GRIN2A: variants seen among roughly 807,000 people sequenced by gnomAD.
The protein encoded by GRIN2A is glutamate receptor ionotropic, NMDA 2A.
Under a neutral mutation model 113.4 loss-of-function variants are expected in GRIN2A, and 22 were observed. That is an observed-to-expected ratio of 0.19 (90% CI 0.14 to 0.28). The LOEUF (loss-of-function observed/expected upper bound fraction) is 0.28, where lower values mean the gene tolerates loss of function less well. Among genes scored for constraint, GRIN2A ranks in the 10% least tolerant of loss-of-function variants. GRIN2A has a pLI of 1.00. For missense variants in GRIN2A, 1,502 were observed against 1,887.0 expected (o/e 0.80, Z 3.78); for synonymous variants, 827 against 738.4 (o/e 1.12, Z -1.94).
chr16:9,861,423 A>G (rs755585382), intron 4 of GRIN2A, among the ~76,000 whole-genome samples: 13 of 152,244 alleles, frequency 8.5e-5, no homozygotes, highest in Admixed American at 1.3e-4. Flanking sequence ...AACATGGATT[A>G]GCATCACTTC....
intron 2 of GRIN2A, among the ~76,000 whole-genome samples, chr16:10,054,010 G>C (rs1020432653): frequency 6.6e-6 from 1 of 151,946 alleles, no homozygotes; most frequent in South Asian, 2.1e-4. Flanking sequence ...AAATACTTTT[G>C]CACCAATCTA....
At chr16:10,019,941 C>T (rs765866443) in intron 2 of GRIN2A, among the ~76,000 whole-genome samples, 1 of 152,210 alleles carries the variant, frequency 6.6e-6, no homozygotes, top group Non-Finnish European at 1.5e-5. Flanking sequence ...ACCACATACA[C>T]AGACACCCAA....
chr16:10,090,073 G>T (rs1259114290), intron 2 of GRIN2A, among the ~76,000 whole-genome samples: 2 of 151,972 alleles, frequency 1.3e-5, no homozygotes, highest in African/African-American at 4.8e-5. Flanking sequence ...TAGTATTTAG[G>T]ACCTACCAGG....
At chr16:10,040,000 A>C in intron 2 of GRIN2A, among the ~76,000 whole-genome samples, 1 of 125,802 alleles carries the variant, frequency 7.9e-6, no homozygotes, top group African/African-American at 2.9e-5. Context: ...ACAAATACAC[A>C]ACACACACAT....
intron 10 of GRIN2A, among the ~76,000 whole-genome samples, chr16:9,799,388 A>T (rs1200784659): frequency 6.6e-6 from 1 of 152,240 alleles, no homozygotes. Flanking sequence ...GAGGCCTGGA[A>T]CAGATCCCTC....
chr16:10,066,448 C>T (rs553342822), intron 2 of GRIN2A, among the ~76,000 whole-genome samples: 2 of 152,268 alleles, frequency 1.3e-5, no homozygotes, highest in East Asian at 3.9e-4. Flanking sequence ...AAAATGGTAC[C>T]TGAAGACAGA....
intron 4 of GRIN2A, among the ~76,000 whole-genome samples, chr16:9,855,789 C>A (rs957050300): frequency 2.0e-5 from 3 of 152,146 alleles, no homozygotes; most frequent in Non-Finnish European, 4.4e-5. Context: ...AAATGGCAAG[C>A]TATCTCTAAA....
intron 2 of GRIN2A, among the ~76,000 whole-genome samples, chr16:9,962,885 T>C (rs926359646): frequency 1.2e-4 from 18 of 151,988 alleles, no homozygotes; most frequent in African/African-American, 3.6e-4. Flanking sequence ...TGTCCAACAA[T>C]GATAGACTGG....
At chr16:10,058,752 C>T (rs927281146) in intron 2 of GRIN2A, among the ~76,000 whole-genome samples, 6 of 152,172 alleles carry the variant, frequency 3.9e-5, no homozygotes, top group East Asian at 1.9e-4. Context: ...TTCATTTACT[C>T]GCTCATTCAT....
At chr16:10,175,414 T>C (rs969493642) in intron 2 of GRIN2A, among the ~76,000 whole-genome samples, 1 of 152,150 alleles carries the variant, frequency 6.6e-6, no homozygotes, top group South Asian at 2.1e-4. Context: ...AAAAACCATA[T>C]ATACTATAAA....
intron 2 of GRIN2A, among the ~76,000 whole-genome samples, chr16:9,984,625 T>C (rs576977513): frequency 2.0e-5 from 3 of 152,330 alleles, no homozygotes; most frequent in African/African-American, 7.2e-5. Flanking sequence ...CAGAATGGTC[T>C]GCCTCATTTT....
chr16:9,838,005 GT>G (rs1440051832), intron 7 of GRIN2A, among the ~76,000 whole-genome samples: 1 of 152,196 alleles, frequency 6.6e-6, no homozygotes, highest in Non-Finnish European at 1.5e-5. Flanking sequence ...GTAAGGCAGT[GT>G]CCAAAATCCT....
chr16:9,949,597 T>C (rs1033206834), intron 2 of GRIN2A, among the ~76,000 whole-genome samples: 2 of 151,684 alleles, frequency 1.3e-5, no homozygotes, highest in African/African-American at 4.8e-5. Context: ...GACGGACAGA[T>C]GGATGGATGG....
At chr16:9,857,459 A>C (rs2042989001) in intron 4 of GRIN2A, among the ~76,000 whole-genome samples, 2 of 152,236 alleles carry the variant, frequency 1.3e-5, no homozygotes, top group Admixed American at 1.3e-4. Context: ...AAGTTTATTC[A>C]AAAACTGTTT....
intron 2 of GRIN2A, among the ~76,000 whole-genome samples, chr16:10,035,044 G>C (rs1425435807): frequency 2.6e-5 from 4 of 151,254 alleles, no homozygotes; most frequent in Non-Finnish European, 4.4e-5. Flanking sequence ...AACGTGTTTA[G>C]AGACAGGGTC....
intron 11 of GRIN2A, among the ~76,000 whole-genome samples, chr16:9,791,171 G>A (rs1006072327): frequency 2.2e-4 from 34 of 152,164 alleles, no homozygotes; most frequent in African/African-American, 7.5e-4. Flanking sequence ...TGCCACAAGT[G>A]TAGAGATAAG....
chr16:9,941,547 TGAATC>T (rs1358360952), intron 2 of GRIN2A, among the ~76,000 whole-genome samples: 7 of 152,170 alleles, frequency 4.6e-5, no homozygotes, highest in African/African-American at 1.7e-4. Flanking sequence ...CAGCCCAAGC[TGAATC>T]TCTCCCATTA....
chr16:10,166,558 T>C (rs919906775), intron 2 of GRIN2A, among the ~76,000 whole-genome samples: 8 of 152,284 alleles, frequency 5.3e-5, no homozygotes, highest in African/African-American at 1.9e-4. Context: ...GATGAAGCTG[T>C]CCCTCCTCTG....
intron 2 of GRIN2A, among the ~76,000 whole-genome samples, chr16:10,096,833 C>T (rs1197647438): frequency 6.6e-6 from 1 of 152,182 alleles, no homozygotes; most frequent in Non-Finnish European, 1.5e-5. Context: ...CTCCTTGAGA[C>T]TAACCTGTCC....
Sources: gnomAD v4.1 joint callset for allele counts (sites outside exome capture counted in the v4.1 genomes callset) on GRCh38, gnomAD v4.1.1 for gene constraint, MANE v1.5 for transcripts, NCBI Gene and HGNC (gene_info 2026-07-23, HGNC 2026-07-21) for gene names.